TBC1D13: variants seen among roughly 807,000 people sequenced by gnomAD.
TBC1D13 encodes the protein TBC1 domain family member 13.
Under a neutral mutation model 53.6 loss-of-function variants are expected in TBC1D13, and 40 were observed. That is an observed-to-expected ratio of 0.75 (90% confidence interval 0.58 to 0.97). The LOEUF is 0.97. Among genes scored for constraint, TBC1D13 ranks in the 50% least tolerant of loss-of-function variants. TBC1D13 has a pLI of 0.00. For missense variants in TBC1D13, 377 were observed against 499.4 expected (o/e 0.75, Z 2.34); for synonymous variants, 182 against 197.7 (o/e 0.92, Z 0.67).
At chr9:128,803,893 G>A in intron 8 of TBC1D13, 63 bp from the exon 9 acceptor site, 2 of 1,592,170 alleles carry the variant, frequency 1.3e-6, no homozygotes, top group Admixed American at 3.4e-5. Flanking sequence ...CAGATGTCTG[G>A]TAGGTGAGAG....
At chr9:128,800,094 G>T (rs558911528) in intron 7 of TBC1D13, among the ~76,000 whole-genome samples, 2 of 152,244 alleles carry the variant, frequency 1.3e-5, no homozygotes, top group Non-Finnish European at 2.9e-5. Flanking sequence ...CCCTGCATGT[G>T]TGCGCATACA....
Position 128,787,326 on chromosome 9 carries a change from G to A in TBC1D13, c.-28G>A. 2 of 1,257,242 alleles carry A rather than the reference G, an allele frequency of 1.6e-6. No individual in the cohort carries two copies. Among genetic ancestry groups the A allele is most frequent in the South Asian group, 4.0e-5 (1 of 24,936 alleles). 77.9% of individuals were successfully genotyped at this position (1,257,242 alleles called of 1,614,324 possible). A position where few individuals can be genotyped will look rare whatever the true frequency, so the allele number is the denominator to read the frequency against. ...GGCGGCAGAGGCGCAGGCGGCGGAG[G>A]CGGCTGGGGGGTCCGGAAGTCAACA... On this transcript the variant is annotated 5_prime_UTR_variant, in exon 1 of 12. Coordinates refer to ENST00000372648, the MANE Select transcript of TBC1D13 (RefSeq NM_018201.5).
Position 128,807,895 on chromosome 9 carries a change from C to T in TBC1D13, c.*16C>T. ...CTCAAAGTAGCCCGGCGGCAAGAGG[C>T]CCATGTTCCGGAGAGAAGCCTCCCG... On this transcript the variant is annotated 3_prime_UTR_variant, in exon 12 of 12. Coordinates refer to ENST00000372648, the MANE Select transcript of TBC1D13 (RefSeq NM_018201.5). 1 of 1,613,516 alleles carries T rather than the reference C, an allele frequency of 6.2e-7. No homozygotes were observed.
chr9:128,798,892 T>A (rs1443236187), intron 7 of TBC1D13, among the ~76,000 whole-genome samples: 2 of 152,174 alleles, frequency 1.3e-5, no homozygotes, highest in African/African-American at 2.4e-5. Context: ...TTTATTTTTT[T>A]AAATAGAGAC....
At chr9:128,800,154 A>G (rs1829707079) in intron 7 of TBC1D13, among the ~76,000 whole-genome samples, 1 of 152,172 alleles carries the variant, frequency 6.6e-6, no homozygotes, top group Non-Finnish European at 1.5e-5. Flanking sequence ...CCAGGACCCT[A>G]TGCTTCCAGG....
intron 6 of TBC1D13, among the ~76,000 whole-genome samples, chr9:128,796,115 T>C (rs570643534): frequency 4.6e-5 from 7 of 152,308 alleles, no homozygotes; most frequent in African/African-American, 1.4e-4. Context: ...TGAGACTGAG[T>C]CTCATTCTGT....
chr9:128,791,270 G>C, intron 3 of TBC1D13, 110 bp from the exon 4 acceptor site: 1 of 1,063,400 alleles, frequency 9.4e-7, no homozygotes, highest in South Asian at 1.3e-5. Flanking sequence ...AGCCCATCTT[G>C]TCTTCTTGGG....
At position 128,806,178 on chromosome 9, in the gene TBC1D13, G is replaced by A. The variant is rs1349443864; in HGVS notation, c.1080-76G>A. On this transcript the variant is annotated intron_variant, in intron 10 of 11. Transcript: ENST00000372648. ...GGGCGACAAACCAAACTTGAGGTGGGTAGGGAGGGAGGAGTGGGCAGGGCC... is the reference window on the plus strand; with the variant it reads ...GGGCGACAAACCAAACTTGAGGTGGATAGGGAGGGAGGAGTGGGCAGGGCC... 2.5e-6 allele frequency: 4 copies of A among 1,608,796 alleles called. No homozygotes were observed. The East Asian group carries it at 8.9e-5, about 36-fold the overall frequency.
intron 11 of TBC1D13, among the ~76,000 whole-genome samples, chr9:128,807,378 A>T (rs1436517368): frequency 6.6e-6 from 1 of 152,108 alleles, no homozygotes; most frequent in Non-Finnish European, 1.5e-5. Flanking sequence ...TGAGCCACCA[A>T]GCCCAGCCTA....
In TBC1D13 at chr9:128,787,333, G is replaced by T; in HGVS notation, c.-21G>T. The T allele has an allele frequency of 2.4e-6, 3 of 1,258,932 alleles. No homozygotes were observed. Among genetic ancestry groups the T allele is most frequent in the Non-Finnish European group, 3.0e-6 (3 of 996,020 alleles). The allele number at this position is 1,258,932 out of a possible 1,614,324, so 78.0% of individuals were successfully genotyped here. On this transcript the variant is annotated 5_prime_UTR_variant, in exon 1 of 12. Transcript: ENST00000372648. ...GAGGCGCAGGCGGCGGAGGCGGCTG[G>T]GGGGTCCGGAAGTCAACACCATGTC...
chr9:128,801,634 G>C (rs993397474), intron 7 of TBC1D13, among the ~76,000 whole-genome samples: 1 of 148,900 alleles, frequency 6.7e-6, no homozygotes. Flanking sequence ...AGCTGAGGTC[G>C]CACCACTGCA....
intron 10 of TBC1D13, 53 bp downstream of exon 10, chr9:128,806,072 C>G: frequency 6.3e-7 from 1 of 1,597,780 alleles, no homozygotes; most frequent in Non-Finnish European, 8.6e-7. Context: ...CTTGGAGAAG[C>G]CAGACAGGAG....
At chr9:128,787,718 C>T (rs1029507348) in intron 1 of TBC1D13, among the ~76,000 whole-genome samples, 3 of 150,482 alleles carry the variant, frequency 2.0e-5, no homozygotes, top group Non-Finnish European at 4.4e-5. Context: ...GCACCCTGTC[C>T]CCCGTGCCTT....
intron 11 of TBC1D13, among the ~76,000 whole-genome samples, chr9:128,807,214 G>A (rs1564427774): frequency 6.6e-6 from 1 of 151,542 alleles, no homozygotes. Context: ...AGCCTCCCGA[G>A]TAGCTGGGAT....
Position 128,795,784 on chromosome 9 carries a change from G to A in TBC1D13, c.384-1271G>A, listed in dbSNP as rs118023557. Among the ~76,000 whole-genome samples, 579 of 151,506 alleles carry A rather than the reference G, an allele frequency of 3.8e-3. 9 individuals are homozygous for A. The highest frequency in any genetic ancestry group is 0.036 in the East Asian group (185 of 5,106). On this transcript the variant is annotated intron_variant, in intron 6 of 11. Coordinates refer to ENST00000372648, the MANE Select transcript of TBC1D13 (RefSeq NM_018201.5). ...CCCAACTAATTTTTTTTACAGATGG[G>A]GTCTCCTTTTGTTGCCCAGGCTGGT...
At chr9:128,794,415 AACCACTCCGTG>A (rs1292553790) in intron 6 of TBC1D13, among the ~76,000 whole-genome samples, 11 of 152,074 alleles carry the variant, frequency 7.2e-5, no homozygotes, top group Non-Finnish European at 1.5e-4. Context: ...TCAAGTCAAG[AACCACTCCGTG>A]ACCTGGGGAA....
Position 128,803,941 on chromosome 9 carries a change from C to A in TBC1D13, c.755-15C>A. 6.2e-7 allele frequency: 1 copy of A among 1,611,976 alleles called. No individual in the cohort carries two copies. The highest frequency in any genetic ancestry group is 8.5e-7 in the Non-Finnish European group (1 of 1,179,726). On this transcript the variant is annotated splice_polypyrimidine_tract_variant and intron_variant, in intron 8 of 11. Transcript: ENST00000372648. ...TGGAGTGCGCCACTTCTGCCCCCATCCTGCTCTCTCCCAGAGCACGCCGAG... is the reference window on the plus strand; with the variant it reads ...TGGAGTGCGCCACTTCTGCCCCCATACTGCTCTCTCCCAGAGCACGCCGAG...
intron 7 of TBC1D13, among the ~76,000 whole-genome samples, chr9:128,798,141 T>A (rs909236155): frequency 1.4e-4 from 21 of 152,082 alleles, no homozygotes; most frequent in Non-Finnish European, 2.4e-4. Context: ...TAATCCCAGC[T>A]ACCCGGGAGG....
chr9:128,805,854 C>G lies in TBC1D13; in HGVS notation c.919-5C>G, dbSNP rs754385335. The stretch of plus-strand genomic sequence containing the variant: ...TGCCCCCCACCCCCCACGCTGTCTC[C>G]CCAGCAAGAGCAGAACATCAAGCCT... On this transcript the variant is annotated splice_region_variant and splice_polypyrimidine_tract_variant and intron_variant, in intron 9 of 11. Transcript: ENST00000372648. The G allele has an allele frequency of 6.2e-7, 1 of 1,612,900 alleles. No individual in the cohort carries two copies.
Sources: gnomAD v4.1 joint callset for allele counts (sites outside exome capture counted in the v4.1 genomes callset) on GRCh38, gnomAD v4.1.1 for gene constraint, MANE v1.5 for transcripts, NCBI Gene and HGNC (gene_info 2026-07-23, HGNC 2026-07-21) for gene names.